The following KAT2B variants were observed in gnomAD, a reference collection of about 807,000 sequenced individuals.
KAT2B encodes histone acetyltransferase KAT2B.
Under a neutral mutation model 105.9 loss-of-function variants are expected in KAT2B, and 36 were observed. The ratio of observed to expected loss-of-function variants is 0.34; its 90% CI spans 0.26 to 0.45. The LOEUF (loss-of-function observed/expected upper bound fraction) is 0.45, where lower values mean the gene tolerates loss of function less well. Among genes scored for constraint, KAT2B ranks in the 20% least tolerant of loss-of-function variants. The pLI, the probability that KAT2B is intolerant of heterozygous loss-of-function variation, is 1.00. For missense variants in KAT2B, 820 were observed against 1,021.6 expected (o/e 0.80, Z 2.69); for synonymous variants, 397 against 377.9 (o/e 1.05, Z -0.59).
chr3:20,092,560 T>TTA (rs1325730327), intron 2 of KAT2B, among the ~76,000 whole-genome samples: 2 of 151,190 alleles, frequency 1.3e-5, no homozygotes, highest in South Asian at 2.1e-4. Flanking sequence ...TTATATTATA[T>TTA]TATATATATA....
chr3:20,049,987 C>G, intron 1 of KAT2B, among the ~76,000 whole-genome samples: 1 of 152,124 alleles, frequency 6.6e-6, no homozygotes, highest in Non-Finnish European at 1.5e-5. Context: ...ATCGCTTGAG[C>G]TCAGGAGTTC....
chr3:20,046,114 A>G (rs1201789518), intron 1 of KAT2B, among the ~76,000 whole-genome samples: 2 of 152,190 alleles, frequency 1.3e-5, no homozygotes, highest in Non-Finnish European at 2.9e-5. Context: ...AATTCCTAGA[A>G]CATAAAGATG....
chr3:20,137,351 A>G (rs1287341126), intron 12 of KAT2B, among the ~76,000 whole-genome samples: 2 of 152,306 alleles, frequency 1.3e-5, no homozygotes, highest in South Asian at 2.1e-4. Context: ...CAGTCCTGGA[A>G]TTTGGTGGGT....
chr3:20,078,693 GTATATATATGTA>G (rs200703876), intron 2 of KAT2B, among the ~76,000 whole-genome samples: 1,727 of 151,608 alleles, frequency 0.011, 35 homozygotes, highest in African/African-American at 0.039. Flanking sequence ...TGATATATGT[GTATATATATGTA>G]TATATATATG....
intron 5 of KAT2B, among the ~76,000 whole-genome samples, chr3:20,106,675 A>G (rs1383119570): frequency 6.6e-6 from 1 of 152,102 alleles, no homozygotes; most frequent in Non-Finnish European, 1.5e-5. Flanking sequence ...GCTGTCTTCT[A>G]CCCTGGGAAG....
intron 1 of KAT2B, among the ~76,000 whole-genome samples, chr3:20,041,742 T>TCA (rs979801613): frequency 1.3e-5 from 2 of 152,046 alleles, no homozygotes; most frequent in African/African-American, 4.8e-5. Flanking sequence ...AGAGACACAC[T>TCA]CACACACACT....
chr3:20,142,994 T>G (rs1168274093), intron 13 of KAT2B, among the ~76,000 whole-genome samples: 2 of 151,614 alleles, frequency 1.3e-5, no homozygotes, highest in Non-Finnish European at 2.9e-5. Flanking sequence ...CATGTGACAA[T>G]ACAAGGAATT....
intron 1 of KAT2B, among the ~76,000 whole-genome samples, chr3:20,062,517 A>C (rs1698155894): frequency 6.8e-6 from 1 of 146,960 alleles, no homozygotes; most frequent in Admixed American, 7.1e-5. Flanking sequence ...GCTGGAGTGC[A>C]GTGGCATGAT....
chr3:20,126,378 G>A (rs775709466), intron 10 of KAT2B, among the ~76,000 whole-genome samples: 5 of 152,240 alleles, frequency 3.3e-5, no homozygotes, highest in Admixed American at 6.5e-5. Flanking sequence ...TTATAGCAGT[G>A]AGAGAATGTA....
At chr3:20,089,090 GT>G (rs1391604033) in intron 2 of KAT2B, among the ~76,000 whole-genome samples, 1 of 152,064 alleles carries the variant, frequency 6.6e-6, no homozygotes, top group Admixed American at 6.6e-5. Flanking sequence ...CTATGTATTT[GT>G]TTTTTATGTT....
chr3:20,132,894 A>G (rs779039411), intron 11 of KAT2B, among the ~76,000 whole-genome samples: 3 of 152,188 alleles, frequency 2.0e-5, no homozygotes, highest in African/African-American at 4.8e-5. Context: ...GCATACAACA[A>G]TCTCTCTTGC....
At chr3:20,138,219 T>A (rs1187436384) in intron 12 of KAT2B, among the ~76,000 whole-genome samples, 3 of 152,194 alleles carry the variant, frequency 2.0e-5, no homozygotes, top group Non-Finnish European at 4.4e-5. Flanking sequence ...TTAAAATTTT[T>A]TCTGTTATTT....
At chr3:20,095,151 G>A in intron 2 of KAT2B, 112 bp from the exon 3 acceptor site, 1 of 808,678 alleles carries the variant, frequency 1.2e-6, no homozygotes. Context: ...TATTACCAGT[G>A]AACTTAAAGG....
chr3:20,114,810 T>C lies in KAT2B; in HGVS notation c.1044-72T>C, dbSNP rs2365794. On this transcript the variant is annotated intron_variant, in intron 6 of 17. Transcript: ENST00000263754. ...TGAGACGCTGATGTTAAGGTGATTG[T>C]CACAGATAATTAGGGCTGTTATCCT... 463,711 of 771,606 alleles carry C rather than the reference T, an allele frequency of 0.6. 141,397 individuals carry two copies. The highest frequency in any genetic ancestry group is 0.76 in the African/African-American group (44,033 of 57,572). 47.8% of individuals were successfully genotyped at this position (771,606 alleles called of 1,614,324 possible).
intron 11 of KAT2B, among the ~76,000 whole-genome samples, chr3:20,130,870 T>TGC (rs1553597441): frequency 9.9e-5 from 15 of 151,622 alleles, no homozygotes; most frequent in Non-Finnish European, 1.3e-4. Flanking sequence ...TGTGTGTGTG[T>TGC]GCGTGCATGT....
rs539223105 is a variant in KAT2B, at chr3:20,119,671, A to T, written c.1224A>T (p.Ala408=). 1 of 1,614,106 alleles carries T rather than the reference A, an allele frequency of 6.2e-7. No homozygotes were observed. The highest frequency in any genetic ancestry group is 1.3e-5 in the African/African-American group (1 of 75,058). ...STSSSLEQPN[A]GSSSPACKAS... ...CATCTTCCCTTGAGCAGCCAAACGC[A>T]GGGAGCAGCAGTCCTGCCTGCAAAG... Residue 408 remains alanine (A), a synonymous_variant, in exon 8 of 18, where the codon GCA becomes GCT. Coordinates refer to ENST00000263754, the MANE Select transcript of KAT2B (RefSeq NM_003884.5).
chr3:20,101,862 CT>C (rs1464432520), intron 5 of KAT2B, among the ~76,000 whole-genome samples: 1 of 152,094 alleles, frequency 6.6e-6, no homozygotes, highest in Admixed American at 6.6e-5. Context: ...TTAATTTTAC[CT>C]GTTTTTACCA....
At chr3:20,110,258 C>G (rs946708379) in intron 5 of KAT2B, among the ~76,000 whole-genome samples, 5 of 152,098 alleles carry the variant, frequency 3.3e-5, no homozygotes, top group African/African-American at 1.2e-4. Flanking sequence ...GAATAAGAAT[C>G]TGTGGAATAA....
intron 15 of KAT2B, 71 bp downstream of exon 15, chr3:20,148,070 A>C (rs1416885787): frequency 6.7e-7 from 1 of 1,500,888 alleles, no homozygotes; most frequent in East Asian, 2.3e-5. Context: ...ACTTAAAGAA[A>C]AACGGCAAAC....
Sources: gnomAD v4.1 joint callset for allele counts (sites outside exome capture counted in the v4.1 genomes callset) on GRCh38, gnomAD v4.1.1 for gene constraint, MANE v1.5 for transcripts, NCBI Gene and HGNC (gene_info 2026-07-23, HGNC 2026-07-21) for gene names.